PDE4D: variants seen among roughly 807,000 people sequenced by gnomAD.
The protein encoded by PDE4D is phosphodiesterase 4D, also known as 3',5'-cyclic-AMP phosphodiesterase 4D.
A neutral mutation model predicts 87.4 loss-of-function variants in PDE4D; 24 were observed. The ratio of observed to expected loss-of-function variants is 0.27; its 90% confidence interval spans 0.20 to 0.39. PDE4D has a LOEUF of 0.39. PDE4D is among the 10% of genes least tolerant of loss of function. PDE4D has a pLI of 1.00. For missense variants in PDE4D, 714 were observed against 1,041.0 expected (o/e 0.69, Z 4.32); for synonymous variants, 384 against 383.2 (o/e 1.00, Z -0.02).
rs77037266 is a variant in PDE4D at position 59,911,330 on chromosome 5, C to T, written c.272+77158G>A. On this transcript the variant is annotated intron_variant, in intron 3 of 16. Transcript: ENST00000502484. The stretch of plus-strand genomic sequence containing the variant: ...ACCCTGAACTCGAAGGATCAGCTGG[C>T]ACCACCCAGATTGATAAACTGGCTC... Among the ~76,000 whole-genome samples, 773 of 152,234 alleles carry T rather than the reference C, an allele frequency of 5.1e-3. 3 individuals are homozygous for T. Among genetic ancestry groups the T allele is most frequent in the African/African-American group, 0.018 (744 of 41,526 alleles).
At chr5:60,092,474 G>C (rs1049370764) in intron 2 of PDE4D, among the ~76,000 whole-genome samples, 43 of 152,218 alleles carry the variant, frequency 2.8e-4, no homozygotes, top group African/African-American at 9.9e-4. Context: ...ATAAATGTTT[G>C]AGGTAACTGA....
intron 1 of PDE4D, among the ~76,000 whole-genome samples, chr5:60,517,615 G>A (rs1750859098): frequency 6.6e-6 from 1 of 151,860 alleles, no homozygotes; most frequent in African/African-American, 2.4e-5. Flanking sequence ...TTGAAGGGAT[G>A]ACCTGCCTGC....
chr5:60,053,750 A>T (rs1406459191), intron 2 of PDE4D, among the ~76,000 whole-genome samples: 4 of 152,214 alleles, frequency 2.6e-5, no homozygotes. Context: ...TGAACAGGCA[A>T]ACTACAGAAT....
intron 1 of PDE4D, among the ~76,000 whole-genome samples, chr5:60,201,234 G>GT (rs1237044145): frequency 0.011 from 1,498 of 135,204 alleles, 26 homozygotes; most frequent in African/African-American, 0.035. Context: ...AAGAAATAGA[G>GT]TTTTTTTTTT....
chr5:59,107,063 C>A (rs1214881259), intron 5 of PDE4D, among the ~76,000 whole-genome samples: 1 of 152,062 alleles, frequency 6.6e-6, no homozygotes, highest in Non-Finnish European at 1.5e-5. Flanking sequence ...TTATTGATCA[C>A]CCAATCTTAG....
chr5:59,636,068 A>G (rs1329394113), intron 1 of PDE4D, among the ~76,000 whole-genome samples: 3 of 132,130 alleles, frequency 2.3e-5, no homozygotes, highest in Non-Finnish European at 4.8e-5. Flanking sequence ...TACAAAAATC[A>G]CAATCATTCC....
chr5:59,536,604 G>A (rs1815320149), intron 1 of PDE4D, among the ~76,000 whole-genome samples: 1 of 149,464 alleles, frequency 6.7e-6, no homozygotes, highest in South Asian at 2.1e-4. Context: ...CAATGAAGAA[G>A]TCTTAGCTCT....
intron 1 of PDE4D, among the ~76,000 whole-genome samples, chr5:60,331,773 G>A (rs80243638): frequency 0.036 from 5,508 of 152,262 alleles, 138 homozygotes; most frequent in East Asian, 0.12. Flanking sequence ...GGGCAGTATG[G>A]TTTAGAAGTA....
At chr5:59,237,551 T>C (rs561841741) in intron 1 of PDE4D, among the ~76,000 whole-genome samples, 2 of 152,210 alleles carry the variant, frequency 1.3e-5, no homozygotes, top group Non-Finnish European at 2.9e-5. Flanking sequence ...TTTCCTGCAC[T>C]GATTTACAAG....
At chr5:59,197,433 C>T (rs970264334) in intron 2 of PDE4D, among the ~76,000 whole-genome samples, 24 of 152,120 alleles carry the variant, frequency 1.6e-4, no homozygotes, top group Admixed American at 1.2e-3. Flanking sequence ...TGATACCTAG[C>T]ATTTCAGTGG....
At chr5:60,288,136 C>T (rs531011711) in intron 1 of PDE4D, among the ~76,000 whole-genome samples, 43 of 152,342 alleles carry the variant, frequency 2.8e-4, no homozygotes, top group African/African-American at 1.0e-3. Flanking sequence ...TTATCATCAC[C>T]TAGGGCTATC....
intron 3 of PDE4D, among the ~76,000 whole-genome samples, chr5:59,941,369 C>T (rs570799737): frequency 1.3e-5 from 2 of 152,312 alleles, no homozygotes; most frequent in African/African-American, 4.8e-5. Context: ...CTAATACAAT[C>T]GAATTGTGTC....
At chr5:59,814,002 T>G (rs76753543) in intron 1 of PDE4D, among the ~76,000 whole-genome samples, 1 of 152,180 alleles carries the variant, frequency 6.6e-6, no homozygotes, top group African/African-American at 2.4e-5. Context: ...CCTAAGTTAA[T>G]GTAAGAGATT....
rs564832977 is a variant in PDE4D at position 60,030,463 on chromosome 5, C to CA, written c.43-41747dup. Among the ~76,000 whole-genome samples the CA allele has an allele frequency of 4.3e-3, 661 of 151,986 alleles. 4 individuals carry two copies. Among genetic ancestry groups the CA allele is most frequent in the Middle Eastern group, 0.024 (7 of 294 alleles). On this transcript the variant is annotated intron_variant, in intron 2 of 16. Transcript: ENST00000502484. Reference sequence around the variant, plus strand: ...CAGAGCGAGACTCCGTCTCAAAAAACAAAAAAACAAAAAACAAAAACAAGA... The same window carrying CA: ...CAGAGCGAGACTCCGTCTCAAAAAACAAAAAAAACAAAAAACAAAAACAAGA...
intron 1 of PDE4D, among the ~76,000 whole-genome samples, chr5:59,369,117 C>G (rs1280742364): frequency 6.6e-6 from 1 of 152,204 alleles, no homozygotes; most frequent in South Asian, 2.1e-4. Flanking sequence ...CAATCTACTA[C>G]TATCTAGAAA....
At chr5:59,797,969 C>T (rs960256011) in intron 1 of PDE4D, among the ~76,000 whole-genome samples, 3 of 152,060 alleles carry the variant, frequency 2.0e-5, no homozygotes, top group Admixed American at 1.3e-4. Context: ...GGTATGGGGG[C>T]TTGCACTTGT....
intron 1 of PDE4D, among the ~76,000 whole-genome samples, chr5:59,851,215 A>G (rs1744620802): frequency 6.6e-6 from 1 of 151,986 alleles, no homozygotes; most frequent in South Asian, 2.1e-4. Context: ...ATCACCTTAG[A>G]AGCACATCCT....
Position 58,975,059 on chromosome 5 carries a change from C to T in PDE4D, c.2035G>A (p.Val679Ile). 1 of 1,543,564 alleles carries T rather than the reference C, an allele frequency of 6.5e-7. No individual in the cohort carries two copies. The highest frequency in any genetic ancestry group is 8.8e-7 in the Non-Finnish European group (1 of 1,139,814). The change falls in exon 15 of 15, where the codon GTT becomes ATT. Residue 679 changes from valine to isoleucine, a missense_variant. Transcript: ENST00000340635. This position sits in a 1 kb window ranked among gnomAD's most constrained non-coding sequence, Gnocchi z 4.2. ...GCCCATGTCTCCCAGAGGGGATGAACAATATAGTCTATGAAGCCCACCTAG... is the reference window on the plus strand; with the variant it reads ...GCCCATGTCTCCCAGAGGGGATGAATAATATAGTCTATGAAGCCCACCTAG... ...KSQVGFIDYIVHPLWETWADL... is the reference protein window; with the variant it reads ...KSQVGFIDYIIHPLWETWADL...
intron 2 of PDE4D, among the ~76,000 whole-genome samples, chr5:60,149,245 T>C (rs1020226232): frequency 6.6e-6 from 1 of 152,196 alleles, no homozygotes; most frequent in African/African-American, 2.4e-5. Context: ...CTTATGGTTC[T>C]GGAGGCTGTG....
Sources: gnomAD v4.1 joint callset for allele counts (sites outside exome capture counted in the v4.1 genomes callset) on GRCh38, gnomAD v4.1.1 for gene constraint, Gnocchi (gnomAD v3.1) non-coding constraint, MANE v1.5 for transcripts, NCBI Gene and HGNC (gene_info 2026-07-23, HGNC 2026-07-21) for gene names.